LCP2: variants seen among roughly 807,000 people sequenced by gnomAD.
The protein encoded by LCP2 is 76 kDa tyrosine phosphoprotein.
LCP2 carries 29 observed loss-of-function variants against 74.5 expected under a neutral mutation model. The ratio of observed to expected loss-of-function variants is 0.39; its 90% CI spans 0.29 to 0.53. LCP2 has a LOEUF of 0.53. Ranked by LOEUF, LCP2 falls within the 20% of genes least tolerant of loss-of-function variation. The pLI, the probability that LCP2 is intolerant of heterozygous loss-of-function variation, is 0.72. For missense variants in LCP2, 604 were observed against 634.6 expected, an observed-to-expected ratio of 0.95 and a Z score of 0.52; for synonymous variants, 228 against 229.5, an observed-to-expected ratio of 0.99 and a Z score of 0.06.
intron 3 of LCP2, among the ~76,000 whole-genome samples, chr5:170,276,660 C>T (rs954469802): frequency 6.6e-6 from 1 of 152,126 alleles, no homozygotes; most frequent in Non-Finnish European, 1.5e-5. Flanking sequence ...CCAGCATGCC[C>T]TAGCAACAAG....
intron 14 of LCP2, among the ~76,000 whole-genome samples, chr5:170,259,303 T>C (rs1465999048): frequency 6.6e-6 from 1 of 152,198 alleles, no homozygotes; most frequent in Non-Finnish European, 1.5e-5. Flanking sequence ...TGCCAGGAGT[T>C]GCAGAGATGG....
intron 1 of LCP2, among the ~76,000 whole-genome samples, chr5:170,295,541 G>T (rs898906837): frequency 2.6e-5 from 4 of 152,222 alleles, no homozygotes; most frequent in Admixed American, 2.0e-4. Context: ...CAGAGCCAGG[G>T]TAAAGTGTGT....
chr5:170,282,396 C>T (rs560647393), intron 3 of LCP2, among the ~76,000 whole-genome samples: 1 of 152,278 alleles, frequency 6.6e-6, no homozygotes, highest in African/African-American at 2.4e-5. Context: ...CTGTGTGCTG[C>T]CTCCTTTAAT....
intron 17 of LCP2, among the ~76,000 whole-genome samples, chr5:170,255,983 T>C (rs1489810258): frequency 6.6e-6 from 1 of 152,236 alleles, no homozygotes; most frequent in Non-Finnish European, 1.5e-5. Context: ...GTTTGTATTT[T>C]GAACATGCTC....
At chr5:170,280,168 C>T (rs538848473) in intron 3 of LCP2, among the ~76,000 whole-genome samples, 1 of 152,166 alleles carries the variant, frequency 6.6e-6, no homozygotes, top group South Asian at 2.1e-4. Context: ...TGGCCAACTT[C>T]TGACCAAAGC....
intron 10 of LCP2, among the ~76,000 whole-genome samples, chr5:170,264,673 C>A (rs1761715486): frequency 6.6e-6 from 1 of 152,130 alleles, no homozygotes; most frequent in Non-Finnish European, 1.5e-5. Flanking sequence ...GGGACATGCA[C>A]CTGTAACCTC....
At chr5:170,295,006 C>T (rs1434687167) in intron 1 of LCP2, among the ~76,000 whole-genome samples, 1 of 152,084 alleles carries the variant, frequency 6.6e-6, no homozygotes, top group Non-Finnish European at 1.5e-5. Context: ...AGGCACTGGT[C>T]CAGAAAAGTT....
chr5:170,281,556 A>C (rs1233435398), intron 3 of LCP2, among the ~76,000 whole-genome samples: 2 of 152,240 alleles, frequency 1.3e-5, no homozygotes, highest in Non-Finnish European at 2.9e-5. Flanking sequence ...CTGGGATTAC[A>C]GGCATTTGAG....
At chr5:170,260,752 G>T (rs1761635636) in intron 14 of LCP2, among the ~76,000 whole-genome samples, 1 of 152,188 alleles carries the variant, frequency 6.6e-6, no homozygotes, top group Admixed American at 6.5e-5. Context: ...TATTGAAAAG[G>T]AAAACAGTAG....
chr5:170,258,341 G>C lies in LCP2; in HGVS notation c.971-175C>G, dbSNP rs1761597024. 5.0e-6 allele frequency: 3 copies of C among 603,424 alleles called. No individual in the cohort carries two copies. In the Admixed American group the frequency reaches 8.9e-5, roughly 18 times the overall value. The allele number at this position is 603,424 out of a possible 1,614,324, so 37.4% of individuals were successfully genotyped here. ...GAACCTTGCTCCCAGGGTGTTTCTA[G>C]ATGACTTAACCACCATAGAATCCAT... On this transcript the variant is annotated intron_variant, in intron 15 of 20. Coordinates refer to ENST00000046794, the MANE Select transcript of LCP2 (RefSeq NM_005565.5).
rs1397026814 is a variant in LCP2 at position 170,270,879 on chromosome 5, A to T, written c.363T>A (p.Asp121Glu). 5 of 1,612,632 alleles carry T rather than the reference A, an allele frequency of 3.1e-6. No individual in the cohort carries two copies. The African/African-American group carries it at 6.7e-5, about 22-fold the overall frequency. The change falls in exon 7 of 21, where the codon GAT (aspartate) becomes GAA (glutamate). Residue 121 changes from aspartate (D) to glutamate (E), a missense_variant. By Grantham distance (45) the Asp-to-Glu change is conservative. Coordinates refer to ENST00000046794, the MANE Select transcript of LCP2 (RefSeq NM_005565.5). The stretch of plus-strand genomic sequence containing the variant: ...ACTCATAGTCTCCATCATCCTCCCC[A>T]TCCTGGTCATCATTGGGACTTTCAT... Reference protein sequence around the residue: ...DDYESPNDDQDGEDDGDYESP... With the variant: ...DDYESPNDDQEGEDDGDYESP...
chr5:170,251,288 T>G (rs1761436060), intron 19 of LCP2: 1 of 192,374 alleles, frequency 5.2e-6, no homozygotes, highest in Non-Finnish European at 1.1e-5. Context: ...TAAACTTTCT[T>G]TTCCACATCC....
In LCP2 at chr5:170,256,225, T is replaced by C. The variant is rs1234805745; in HGVS notation, c.1150+301A>G. The stretch of plus-strand genomic sequence containing the variant: ...TATTGTGTATGTGTATATATGTGTA[T>C]ACCTGTGTGCACATGTATATATGTG... On this transcript the variant is annotated intron_variant, in intron 17 of 20. Coordinates refer to ENST00000046794, the MANE Select transcript of LCP2 (RefSeq NM_005565.5). The surrounding 1 kb of genome is among the most constrained non-coding windows in gnomAD (Gnocchi z 4.5). 2.6e-5 allele frequency among the ~76,000 whole-genome samples: 4 copies of C among 152,098 alleles called. No individual in the cohort carries two copies. The highest frequency in any genetic ancestry group is 2.6e-4 in the Admixed American group (4 of 15,278).
At chr5:170,283,844 ATTTCAAGATTTAAC>A (rs1469437636) in intron 3 of LCP2, among the ~76,000 whole-genome samples, 1 of 152,068 alleles carries the variant, frequency 6.6e-6, no homozygotes, top group Non-Finnish European at 1.5e-5. Flanking sequence ...CATCCCTCCT[ATTTCAAGATTTAAC>A]TTAGGGTCCC....
At chr5:170,251,605 T>G (rs538119225) in intron 19 of LCP2, 39 of 456,056 alleles carry the variant, frequency 8.6e-5, no homozygotes, top group South Asian at 5.9e-4. Context: ...TAAATAGCCA[T>G]GAGTTGGCAA....
intron 1 of LCP2, among the ~76,000 whole-genome samples, chr5:170,296,740 A>T (rs957273972): frequency 6.6e-6 from 1 of 152,186 alleles, no homozygotes; most frequent in Admixed American, 6.5e-5. Context: ...GGGATCCTTC[A>T]ACCTTTCCTC....
chr5:170,254,429 C>A (rs926297402), intron 17 of LCP2, among the ~76,000 whole-genome samples: 5 of 152,178 alleles, frequency 3.3e-5, no homozygotes, highest in Non-Finnish European at 5.9e-5. Flanking sequence ...GCCGCATCAT[C>A]AAGATTATTT....
chr5:170,285,623 ATCCTT>A (rs1762170936), intron 3 of LCP2, among the ~76,000 whole-genome samples: 1 of 152,158 alleles, frequency 6.6e-6, no homozygotes, highest in Non-Finnish European at 1.5e-5. Context: ...CTAAGGCAAG[ATCCTT>A]CTAGGCACTC....
At chr5:170,274,503 G>A (rs1012992661) in intron 5 of LCP2, among the ~76,000 whole-genome samples, 165 bp from the exon 6 acceptor site, 1 of 152,166 alleles carries the variant, frequency 6.6e-6, no homozygotes, top group African/African-American at 2.4e-5. Context: ...GTCAGCTCCA[G>A]CGACCCTGCC....
Sources: gnomAD v4.1 joint callset for allele counts (sites outside exome capture counted in the v4.1 genomes callset) on GRCh38, gnomAD v4.1.1 for gene constraint, Gnocchi (gnomAD v3.1) non-coding constraint, MANE v1.5 for transcripts, NCBI Gene and HGNC (gene_info 2026-07-23, HGNC 2026-07-21) for gene names.